Variants in CDC45 observed in about 807,000 individuals in gnomAD.
CDC45 encodes the protein cell division control protein 45 homolog.
CDC45 carries 54 observed loss-of-function variants against 77.8 expected under a neutral mutation model. The ratio of observed to expected loss-of-function variants is 0.69; its 90% confidence interval spans 0.56 to 0.87. CDC45 has a LOEUF of 0.87. Ranked by LOEUF, CDC45 falls within the 40% of genes least tolerant of loss-of-function variation. The pLI is 0.00. For synonymous variants in CDC45, 260 were observed against 272.1 expected (o/e 0.96, Z 0.44); for missense variants, 649 against 721.6 (o/e 0.90, Z 1.15).
chr22:19,508,450 T>G (rs1385662147), intron 12 of CDC45, 80 bp from the exon 13 acceptor site: 2 of 1,460,336 alleles, frequency 1.4e-6, no homozygotes, highest in African/African-American at 2.8e-5. Flanking sequence ...GTGAGGGACA[T>G]TAGCACATCT....
At chr22:19,497,148 T>C (rs1233847435) in intron 7 of CDC45, among the ~76,000 whole-genome samples, 1 of 152,206 alleles carries the variant, frequency 6.6e-6, no homozygotes, top group Non-Finnish European at 1.5e-5. Context: ...CAGGATAAAA[T>C]ATACAGACAG....
chr22:19,499,621 A>G (rs1428073704), intron 9 of CDC45, among the ~76,000 whole-genome samples: 1 of 152,208 alleles, frequency 6.6e-6, no homozygotes, highest in African/African-American at 2.4e-5. Context: ...GGTGTGAAGC[A>G]GAACCCCTTT....
At chr22:19,509,192 C>G (rs1047429721) in intron 13 of CDC45, among the ~76,000 whole-genome samples, 1 of 152,092 alleles carries the variant, frequency 6.6e-6, no homozygotes, top group African/African-American at 2.4e-5. Flanking sequence ...TCCAAATACA[C>G]TGAATTTATT....
chr22:19,486,951 CAG>C (rs1360785606), intron 5 of CDC45, among the ~76,000 whole-genome samples: 1 of 150,732 alleles, frequency 6.6e-6, no homozygotes, highest in East Asian at 2.1e-4. Flanking sequence ...GCTGGGATTA[CAG>C]GCGTGAGCCA....
chr22:19,481,829 G>A (rs13447195), intron 3 of CDC45, among the ~76,000 whole-genome samples: 1 of 151,992 alleles, frequency 6.6e-6, no homozygotes, highest in Non-Finnish European at 1.5e-5. Flanking sequence ...CCACCACCAC[G>A]CCTGGCTAAT....
chr22:19,495,916 T>C (rs1039579904), intron 6 of CDC45, 65 bp from the exon 7 acceptor site: 7 of 1,072,540 alleles, frequency 6.5e-6, no homozygotes, highest in African/African-American at 4.7e-5. Context: ...TTAGCATTTT[T>C]CCAAAATATT....
chr22:19,494,255 A>G, intron 5 of CDC45, 72 bp from the exon 6 acceptor site: 1 of 1,410,804 alleles, frequency 7.1e-7, no homozygotes, highest in South Asian at 1.2e-5. Context: ...CCAAATTGGA[A>G]CCTTCTTGGG....
upstream of CDC45, chr22:19,479,735 C>T (rs1484356206): frequency 3.0e-6 from 2 of 661,146 alleles, no homozygotes; most frequent in East Asian, 2.7e-5. Flanking sequence ...TGCGTTCGGC[C>T]TCAGAGGTGA....
chr22:19,518,931 G>A, intron 18 of CDC45, 22 bp downstream of exon 18: 2 of 1,600,438 alleles, frequency 1.2e-6, no homozygotes, highest in Non-Finnish European at 8.6e-7. Flanking sequence ...GGGTTCTGCA[G>A]GGGTGGCTGC....
chr22:19,518,284 CTCGGGGCTGTGGCTG>C (rs1355457946), intron 17 of CDC45, among the ~76,000 whole-genome samples: 1 of 152,134 alleles, frequency 6.6e-6, no homozygotes, highest in Non-Finnish European at 1.5e-5. Flanking sequence ...GTCTGGGGCT[CTCGGGGCTGTGGCTG>C]GCAGCATAGA....
chr22:19,519,424 C>T (rs1428568701), intron 18 of CDC45, among the ~76,000 whole-genome samples: 1 of 152,246 alleles, frequency 6.6e-6, no homozygotes. Flanking sequence ...GTCCTGAGGG[C>T]CCCATTGGGA....
At chr22:19,479,771 T>C (rs563303287), upstream of CDC45, 39 of 657,038 alleles carry the variant, frequency 5.9e-5, no homozygotes, top group East Asian at 9.3e-4. Context: ...GGGCTGGAGT[T>C]TTCTGGCCGT....
chr22:19,481,206 G>C (rs1007086379), intron 3 of CDC45, among the ~76,000 whole-genome samples, 161 bp downstream of exon 3: 1 of 152,100 alleles, frequency 6.6e-6, no homozygotes, highest in Non-Finnish European at 1.5e-5. Context: ...GACTTACCAC[G>C]CCCAAGTTGT....
rs770521912 is a variant in CDC45 at position 19,481,036 on chromosome 22, T to C, written c.195T>C (p.His65=). ...WQELETAFLE[H]KEQFHYFILI... ...AACTTGAAACTGCATTTCTTGAGCA[T>C]AAAGAACAGGTATTGAAGATGCGTT... Residue 65 remains histidine, a synonymous_variant, in exon 3 of 19, where the codon CAT becomes CAC. Coordinates refer to ENST00000263201, the MANE Select transcript of CDC45 (RefSeq NM_003504.5). The C allele has an allele frequency of 6.2e-7, 1 of 1,610,210 alleles. No homozygotes were observed. The highest frequency in any genetic ancestry group is 1.1e-5 in the South Asian group (1 of 90,938).
At chr22:19,519,135 G>C (rs1002820270) in intron 18 of CDC45, among the ~76,000 whole-genome samples, 1 of 152,168 alleles carries the variant, frequency 6.6e-6, no homozygotes, top group Non-Finnish European at 1.5e-5. Context: ...AAGCCCCTGC[G>C]ATCCCTTCAG....
At chr22:19,505,613 G>C (rs917509972) in intron 10 of CDC45, 132 bp downstream of exon 10, 14 of 989,604 alleles carry the variant, frequency 1.4e-5, no homozygotes, top group Non-Finnish European at 1.7e-5. Context: ...AGTTTTGGGG[G>C]AAGGGGCTGT....
At chr22:19,482,970 C>CTT (rs764932252) in intron 4 of CDC45, 143 bp downstream of exon 4, 3,655 of 518,394 alleles carry the variant, frequency 7.1e-3, no homozygotes, top group South Asian at 0.011. Flanking sequence ...TCTTTGTCAT[C>CTT]TTTTTTTTTT....
At position 19,480,002 on chromosome 22, in the gene CDC45, G is replaced by C. The variant is rs745505016; in HGVS notation, c.34G>C (p.Glu12Gln). 2 of 1,613,852 alleles carry C rather than the reference G, an allele frequency of 1.2e-6. No individual in the cohort carries two copies. Among genetic ancestry groups the C allele is most frequent in the Non-Finnish European group, 1.7e-6 (2 of 1,180,026 alleles). The change falls in exon 1 of 19, where the codon GAG becomes CAG. Residue 12 changes from glutamate to glutamine, a missense_variant. Physicochemically the swap from Glu to Gln is conservative, Grantham distance 29 (BLOSUM62 2). Transcript: ENST00000263201. ...GTCCGATTTCCGCAAAGAGTTCTACGAGGTGGTCCAGAGCCAGGTGACGCC... is the reference window on the plus strand; with the variant it reads ...GTCCGATTTCCGCAAAGAGTTCTACCAGGTGGTCCAGAGCCAGGTGACGCC... ...FVSDFRKEFYEVVQSQRVLLF... is the reference protein window; with the variant it reads ...FVSDFRKEFYQVVQSQRVLLF...
intron 6 of CDC45, among the ~76,000 whole-genome samples, chr22:19,495,288 T>C (rs183542819): frequency 8.3e-4 from 126 of 152,384 alleles, no homozygotes; most frequent in Admixed American, 2.4e-3. Context: ...TAGTACTTAA[T>C]TGGCAGTTTC....
Sources: gnomAD v4.1 joint callset for allele counts (sites outside exome capture counted in the v4.1 genomes callset) on GRCh38, gnomAD v4.1.1 for gene constraint, MANE v1.5 for transcripts, NCBI Gene and HGNC (gene_info 2026-07-23, HGNC 2026-07-21) for gene names.